Variants in SORBS2 observed in about 807,000 individuals in gnomAD.
The protein encoded by SORBS2 is sorbin and SH3 domain-containing protein 2.
Under a neutral mutation model 97.7 loss-of-function variants are expected in SORBS2, and 46 were observed. The ratio of observed to expected loss-of-function variants is 0.47; its 90% CI spans 0.37 to 0.60. The LOEUF is 0.60. SORBS2 is among the 20% of genes least tolerant of loss of function. The pLI is 0.00. For missense variants in SORBS2, 1,316 were observed against 1,282.3 expected, an observed-to-expected ratio of 1.03 and a Z score of -0.40; for synonymous variants, 476 against 473.4, an observed-to-expected ratio of 1.01 and a Z score of -0.07.
chr4:185,636,212 G>T (rs1581489495), intron 4 of SORBS2, among the ~76,000 whole-genome samples: 1 of 152,064 alleles, frequency 6.6e-6, no homozygotes, highest in Non-Finnish European at 1.5e-5. Flanking sequence ...TAAAGCTAGA[G>T]AATGTTTTTC....
At chr4:185,586,122 C>T (rs1011765189) in exon 15 of SORBS2, 1 of 108,230 alleles carries the variant, frequency 9.2e-6, no homozygotes, top group African/African-American at 3.1e-5. Context: ...ATTCTAGAGG[C>T]TACGTACATT....
rs370160757 is a variant in SORBS2 at position 185,615,050 on chromosome 4, C to T, written c.2461G>A (p.Val821Ile). Residue 821 changes from valine to isoleucine, a missense_variant, in exon 10 of 15, where the codon GTA (valine) becomes ATA (isoleucine). Val to Ile is a conservative substitution (Grantham distance 29). Coordinates refer to ENST00000418609, the Ensembl canonical transcript of SORBS2. ...GAGAAAGGGAGAGGACCTACCTCTACGTATGAGATCGGGAAGATGCCCACT... is the reference window on the plus strand; with the variant it reads ...GAGAAAGGGAGAGGACCTACCTCTATGTATGAGATCGGGAAGATGCCCACT... 1.6e-4 allele frequency: 253 copies of T among 1,613,084 alleles called. No individual in the cohort carries two copies. The highest frequency in any genetic ancestry group is 2.0e-4 in the Non-Finnish European group (239 of 1,179,138).
At chr4:185,615,246 G>A (rs1287011391) in intron 9 of SORBS2, 87 bp from the exon 22 acceptor site, 1 of 799,662 alleles carries the variant, frequency 1.3e-6, no homozygotes, top group Non-Finnish European at 2.2e-6. Flanking sequence ...GCATTTGTTT[G>A]GCAAATATAC....
At chr4:185,939,292 A>C (rs1341343712) in intron 1 of SORBS2, among the ~76,000 whole-genome samples, 1 of 152,120 alleles carries the variant, frequency 6.6e-6, no homozygotes, top group Non-Finnish European at 1.5e-5. Flanking sequence ...ATTCCTCAAC[A>C]AATTCTTCCG....
intron 1 of SORBS2, among the ~76,000 whole-genome samples, chr4:185,834,762 A>C (rs1054844049): frequency 3.9e-5 from 6 of 152,106 alleles, no homozygotes; most frequent in African/African-American, 1.2e-4. Flanking sequence ...TTTGTACATA[A>C]TAAAAAATAA....
intron 11 of SORBS2, among the ~76,000 whole-genome samples, chr4:185,613,894 G>C (rs1216390258): frequency 6.6e-6 from 1 of 151,952 alleles, no homozygotes; most frequent in Non-Finnish European, 1.5e-5. Flanking sequence ...AAGACTGATG[G>C]GAGAGAATGA....
chr4:185,737,502 GA>G (rs2098695258), intron 2 of SORBS2, among the ~76,000 whole-genome samples: 1 of 152,162 alleles, frequency 6.6e-6, no homozygotes, highest in Non-Finnish European at 1.5e-5. Context: ...GAGAAACGGG[GA>G]ATTCTGTCAT....
intron 1 of SORBS2, among the ~76,000 whole-genome samples, chr4:185,897,579 T>C (rs1258379478): frequency 6.6e-6 from 1 of 152,200 alleles, no homozygotes; most frequent in Non-Finnish European, 1.5e-5. Context: ...GAGTTGATTT[T>C]TCAGCGAACC....
intron 1 of SORBS2, among the ~76,000 whole-genome samples, chr4:185,799,370 C>T (rs1465798862): frequency 6.6e-6 from 1 of 152,234 alleles, no homozygotes; most frequent in East Asian, 1.9e-4. Flanking sequence ...TGCCCAGTGA[C>T]ATTGGCTATA....
At chr4:185,903,565 T>G (rs1034802284) in intron 1 of SORBS2, among the ~76,000 whole-genome samples, 1 of 152,176 alleles carries the variant, frequency 6.6e-6, no homozygotes, top group Admixed American at 6.5e-5. Flanking sequence ...TACCTGCTTG[T>G]CTAGCTCTCC....
chr4:185,591,911 G>GA (rs1554051330), intron 13 of SORBS2: 1 of 152,140 alleles, frequency 6.6e-6, no homozygotes, highest in Non-Finnish European at 1.5e-5. Context: ...TTAGACCACA[G>GA]AAACAAAAAC....
chr4:185,626,149 G>A (rs1266228054), intron 6 of SORBS2, among the ~76,000 whole-genome samples: 4 of 151,886 alleles, frequency 2.6e-5, no homozygotes, highest in African/African-American at 9.7e-5. Context: ...TTTCAACAGT[G>A]AGCTCCCTAC....
intron 1 of SORBS2, among the ~76,000 whole-genome samples, chr4:185,935,379 A>ATTT (rs2099268439): frequency 1.3e-5 from 2 of 152,256 alleles, no homozygotes; most frequent in African/African-American, 4.8e-5. Flanking sequence ...GCCATGGGAG[A>ATTT]TAACACGTTT....
intron 1 of SORBS2, among the ~76,000 whole-genome samples, chr4:185,936,643 A>C (rs1428409328): frequency 6.6e-6 from 1 of 152,206 alleles, no homozygotes; most frequent in Non-Finnish European, 1.5e-5. Context: ...GATAACCATA[A>C]ATCCCATATT....
At chr4:185,883,377 A>G (rs190252272) in intron 1 of SORBS2, among the ~76,000 whole-genome samples, 154 of 152,344 alleles carry the variant, frequency 1.0e-3, no homozygotes, top group African/African-American at 3.6e-3. Flanking sequence ...ACCTGACAGT[A>G]TCAATGCCGG....
At chr4:185,728,213 G>A (rs771755132) in intron 2 of SORBS2, among the ~76,000 whole-genome samples, 16 of 152,014 alleles carry the variant, frequency 1.1e-4, no homozygotes, top group African/African-American at 1.4e-4. Flanking sequence ...TGTGCTCCCC[G>A]AGAAAGTCCA....
chr4:185,708,810 A>C (rs1206656447), intron 2 of SORBS2, among the ~76,000 whole-genome samples: 1 of 152,206 alleles, frequency 6.6e-6, no homozygotes, highest in Non-Finnish European at 1.5e-5. Context: ...TGAAACGTGG[A>C]GCGCCTTTCC....
intron 4 of SORBS2, among the ~76,000 whole-genome samples, chr4:185,643,040 C>T (rs1049198772): frequency 6.6e-6 from 1 of 152,256 alleles, no homozygotes; most frequent in Non-Finnish European, 1.5e-5. Context: ...CTGCTACAGG[C>T]CAGGCATCGT....
chr4:185,635,684 C>T (rs550500237), intron 4 of SORBS2, among the ~76,000 whole-genome samples: 2 of 152,168 alleles, frequency 1.3e-5, no homozygotes, highest in Non-Finnish European at 2.9e-5. Context: ...CATTAGCACT[C>T]CTAGTCTCTG....
Sources: gnomAD v4.1 joint callset for allele counts (sites outside exome capture counted in the v4.1 genomes callset) on GRCh38, gnomAD v4.1.1 for gene constraint, MANE v1.5 for transcripts, NCBI Gene and HGNC (gene_info 2026-07-23, HGNC 2026-07-21) for gene names.